The following RHD variants were observed in gnomAD, a reference collection of about 807,000 sequenced individuals.
RHD encodes the protein blood group Rh(D) polypeptide.
In RHD, 16 loss-of-function variants were observed where a neutral mutation model predicts 45.5. The ratio of observed to expected loss-of-function variants is 0.35; its 90% CI spans 0.24 to 0.53. RHD has a LOEUF of 0.53. Ranked by LOEUF, RHD falls within the 20% of genes least tolerant of loss-of-function variation. The probability of loss-of-function intolerance (pLI) is 0.92; values close to 1 mark genes in which losing one functional copy is unlikely to be tolerated. For missense variants in RHD, 306 were observed against 532.0 expected, an observed-to-expected ratio of 0.58 and a Z score of 4.18; for synonymous variants, 131 against 217.5, an observed-to-expected ratio of 0.60 and a Z score of 3.50.
At position 25,272,697 on chromosome 1, in the gene RHD, T is replaced by C; in HGVS notation, c.148+2T>C. Reference sequence around the variant, plus strand: ...AGGGGCTCGTGGCATCCTATCAAGGTGAGAGTTCATTGGAAAAGTGGTCAC... The same window carrying C: ...AGGGGCTCGTGGCATCCTATCAAGGCGAGAGTTCATTGGAAAAGTGGTCAC... On this transcript the variant is annotated splice_donor_variant, in intron 1 of 9. Transcript: ENST00000328664. LOFTEE classifies it high-confidence loss of function. 5.6e-6 allele frequency: 8 copies of C among 1,425,078 alleles called. 1 individual carries two copies. Among genetic ancestry groups the C allele is most frequent in the Non-Finnish European group, 7.9e-6 (8 of 1,016,724 alleles). 88.3% of individuals were successfully genotyped at this position (1,425,078 alleles called of 1,614,324 possible).
chr1:25,290,885 T>C (rs1642443913), intron 3 of RHD, 94 bp downstream of exon 3: 2 of 1,220,240 alleles, frequency 1.6e-6, no homozygotes, highest in African/African-American at 1.5e-5. Context: ...AAAGACAACC[T>C]GTAATCCCAG....
chr1:25,295,945 T>C lies in RHD; in HGVS notation c.487-5001T>C, dbSNP rs1419321690. 1.0e-3 allele frequency among the ~76,000 whole-genome samples: 112 copies of C among 108,934 alleles called. 7 individuals carry two copies. The highest frequency in any genetic ancestry group is 5.1e-3 in the East Asian group (21 of 4,102). 71.5% of individuals were successfully genotyped at this position (108,934 alleles called of 152,430 possible). On this transcript the variant is annotated intron_variant, in intron 3 of 9. Transcript: ENST00000328664. The stretch of plus-strand genomic sequence containing the variant: ...TGTTGCAATCTTGGCTCACTGCAAC[T>C]TCTGCCTTCCAGGTTCAAGTGATTC...
At chr1:25,276,532 T>TAAAAAAAAAAAAAAAAAAAAAAAA (rs557746335) in intron 1 of RHD, among the ~76,000 whole-genome samples, 6 of 64,782 alleles carry the variant, frequency 9.3e-5, no homozygotes, top group African/African-American at 3.6e-4. Flanking sequence ...CCCCCATCTC[T>TAAAAAAAAAAAAAAAAAAAAAAAA]AAAAAAAAAA....
At chr1:25,292,710 CAA>C (rs1232369042) in intron 3 of RHD, among the ~76,000 whole-genome samples, 1 of 126,696 alleles carries the variant, frequency 7.9e-6, no homozygotes, top group East Asian at 2.0e-4. Flanking sequence ...TGGAGATGTA[CAA>C]GTCTGAAGCT....
rs893576531 is a variant in RHD at position 25,279,271 on chromosome 1, C to T, written c.149-5302C>T. ...CACTCACTACGTACCCAATGCTGGGCGAAGTGACTTGCATGAGCCAGCGAG... is the reference window on the plus strand; with the variant it reads ...CACTCACTACGTACCCAATGCTGGGTGAAGTGACTTGCATGAGCCAGCGAG... On this transcript the variant is annotated intron_variant, in intron 1 of 9. Coordinates refer to ENST00000328664, the MANE Select transcript of RHD (RefSeq NM_016124.6). Among the ~76,000 whole-genome samples, 2 of 128,528 alleles carry T rather than the reference C, an allele frequency of 1.6e-5. 1 individual carries two copies. The highest frequency in any genetic ancestry group is 1.5e-4 in the Admixed American group (2 of 13,214). 84.3% of individuals were successfully genotyped at this position (128,528 alleles called of 152,430 possible). A position where few individuals can be genotyped will look rare whatever the true frequency, so the allele number is the denominator to read the frequency against.
chr1:25,293,883 G>C lies in RHD; in HGVS notation c.486+3092G>C, dbSNP rs545932913. Among the ~76,000 whole-genome samples the C allele has an allele frequency of 7.6e-5, 10 of 132,090 alleles. 2 individuals carry two copies. Among genetic ancestry groups the C allele is most frequent in the African/African-American group, 2.6e-4 (10 of 38,544 alleles). The allele number at this position is 132,090 out of a possible 152,430, so 86.7% of individuals were successfully genotyped here. On this transcript the variant is annotated intron_variant, in intron 3 of 9. Coordinates refer to ENST00000328664, the MANE Select transcript of RHD (RefSeq NM_016124.6). Reference sequence around the variant, plus strand: ...GAGATTGAGAAATTAAAAGGCAAAAGCTGATATATCATGTTTAGTTATATT... The same window carrying C: ...GAGATTGAGAAATTAAAAGGCAAAACCTGATATATCATGTTTAGTTATATT...
rs1643586464 is a variant in RHD at position 25,303,800 on chromosome 1, T to C, written c.939+341T>C. On this transcript the variant is annotated intron_variant, in intron 6 of 9. Transcript: ENST00000328664. ...TTCTTTGCTTTTCCTGAATATCTGCTTTATTCTTACTCTATAGACATGCTT... is the reference window on the plus strand; with the variant it reads ...TTCTTTGCTTTTCCTGAATATCTGCCTTATTCTTACTCTATAGACATGCTT... Among the ~76,000 whole-genome samples the C allele has an allele frequency of 1.5e-5, 2 of 130,976 alleles. 1 individual carries two copies. Among genetic ancestry groups the C allele is most frequent in the Non-Finnish European group, 3.6e-5 (2 of 55,470 alleles). The allele number at this position is 130,976 out of a possible 152,430, so 85.9% of individuals were successfully genotyped here.
chr1:25,305,954 T>C lies in RHD; in HGVS notation c.940-642T>C, dbSNP rs560439876. 1.0e-3 allele frequency among the ~76,000 whole-genome samples: 134 copies of C among 131,870 alleles called. 20 individuals carry two copies. The highest frequency in any genetic ancestry group is 2.2e-3 in the African/African-American group (86 of 38,362). 86.5% of individuals were successfully genotyped at this position (131,870 alleles called of 152,430 possible). A position where few individuals can be genotyped will look rare whatever the true frequency, so the allele number is the denominator to read the frequency against. On this transcript the variant is annotated intron_variant, in intron 6 of 9. Coordinates refer to ENST00000328664, the MANE Select transcript of RHD (RefSeq NM_016124.6). ...GATTCTAAGGAAGGAACCAGCCTGA[T>C]TGAATTTGCATATGTGTCCACATCT...
rs71652374 is a variant in RHD at position 25,321,889 on chromosome 1, G to C, written c.1154G>C (p.Gly385Ala). 3,026 of 1,262,328 alleles carry C rather than the reference G, an allele frequency of 2.4e-3. 691 individuals carry two copies. Among genetic ancestry groups the C allele is most frequent in the Non-Finnish European group, 3.3e-3 (2,843 of 874,310 alleles). 78.2% of individuals were successfully genotyped at this position (1,262,328 alleles called of 1,614,324 possible). ...AACATTAAATTATGCATTTAAACAG[G>C]TTTGCTCCTAAATCTTAAAATATGG... ...VIALMSGLLT[G>A]LLLNLKIWKA... Residue 385 changes from glycine to alanine, a missense_variant and splice_region_variant, in exon 9 of 10, where the codon GGT becomes GCT. Coordinates refer to ENST00000328664, the MANE Select transcript of RHD (RefSeq NM_016124.6).
intron 3 of RHD, among the ~76,000 whole-genome samples, 187 bp downstream of exon 3, chr1:25,290,978 C>G (rs1642450754): frequency 7.7e-6 from 1 of 130,280 alleles, no homozygotes; most frequent in Non-Finnish European, 1.8e-5. Context: ...ATCCTCATCT[C>G]TAAAAAGTAA....
In RHD at chr1:25,275,491, G is replaced by A. The variant is rs1172481578; in HGVS notation, c.148+2796G>A. Among the ~76,000 whole-genome samples, 8 of 131,238 alleles carry A rather than the reference G, an allele frequency of 6.1e-5. 2 individuals carry two copies. Among genetic ancestry groups the A allele is most frequent in the Admixed American group, 1.5e-4 (2 of 13,408 alleles). The allele number at this position is 131,238 out of a possible 152,430, so 86.1% of individuals were successfully genotyped here. On this transcript the variant is annotated intron_variant, in intron 1 of 9. Coordinates refer to ENST00000328664, the MANE Select transcript of RHD (RefSeq NM_016124.6). ...GCATGGCTTGAGACACCAGACCAGC[G>A]TGGAGGCTGTAGTGTAGTATTGACC...
chr1:25,311,139 C>T (rs1644124528), intron 7 of RHD, among the ~76,000 whole-genome samples: 1 of 131,908 alleles, frequency 7.6e-6, no homozygotes, highest in East Asian at 2.0e-4. Flanking sequence ...TGGTAAAGGC[C>T]ATTCTGATGA....
Position 25,306,696 on chromosome 1 carries a change from T to C in RHD, c.1040T>C (p.Leu347Pro), listed in dbSNP as rs1275058449. 6 of 1,378,614 alleles carry C rather than the reference T, an allele frequency of 4.4e-6. 1 individual carries two copies. In the African/African-American group the frequency reaches 8.6e-5, roughly 20 times the overall value. 85.4% of individuals were successfully genotyped at this position (1,378,614 alleles called of 1,614,324 possible). A position where few individuals can be genotyped will look rare whatever the true frequency, so the allele number is the denominator to read the frequency against. ...GGAGAGATCATCTACATTGTGCTGCTGGTGCTTGATACCGTCGGAGCCGGC... is the reference window on the plus strand; with the variant it reads ...GGAGAGATCATCTACATTGTGCTGCCGGTGCTTGATACCGTCGGAGCCGGC... Reference protein sequence around the residue: ...LLGEIIYIVLLVLDTVGAGNG... With the variant: ...LLGEIIYIVLPVLDTVGAGNG... The change falls in exon 7 of 10, where the codon CTG becomes CCG. Residue 347 changes from leucine (L) to proline (P), a missense_variant. Physicochemically the swap from Leu to Pro is moderately conservative, Grantham distance 98. Transcript: ENST00000328664.
At position 25,281,059 on chromosome 1, in the gene RHD, A is replaced by G. The variant is rs1296667614; in HGVS notation, c.149-3514A>G. 3.0e-5 allele frequency among the ~76,000 whole-genome samples: 4 copies of G among 132,406 alleles called. 1 individual carries two copies. Among genetic ancestry groups the G allele is most frequent in the African/African-American group, 5.2e-5 (2 of 38,412 alleles). The allele number at this position is 132,406 out of a possible 152,430, so 86.9% of individuals were successfully genotyped here. ...ATCAAGTCCAACTCCTATGTGTTACAGACAGGGAAACTGAGGCCTAAAGAG... is the reference window on the plus strand; with the variant it reads ...ATCAAGTCCAACTCCTATGTGTTACGGACAGGGAAACTGAGGCCTAAAGAG... On this transcript the variant is annotated intron_variant, in intron 1 of 9. Coordinates refer to ENST00000328664, the MANE Select transcript of RHD (RefSeq NM_016124.6).
Position 25,308,280 on chromosome 1 carries a change from T to C in RHD, c.1073+1551T>C, listed in dbSNP as rs1313018170. Reference sequence around the variant, plus strand: ...GTGATTCTGTGGTTCTCTGGAAGCATTGGTTCTCCACAGCACCTGCATCAC... The same window carrying C: ...GTGATTCTGTGGTTCTCTGGAAGCACTGGTTCTCCACAGCACCTGCATCAC... On this transcript the variant is annotated intron_variant, in intron 7 of 9. Transcript: ENST00000328664. Among the ~76,000 whole-genome samples, 25 of 114,064 alleles carry C rather than the reference T, an allele frequency of 2.2e-4. 3 individuals are homozygous for C. The highest frequency in any genetic ancestry group is 6.3e-4 in the African/African-American group (21 of 33,144). 74.8% of individuals were successfully genotyped at this position (114,064 alleles called of 152,430 possible).
At chr1:25,280,679 G>A (rs1379239477) in intron 1 of RHD, among the ~76,000 whole-genome samples, 1 of 113,014 alleles carries the variant, frequency 8.8e-6, no homozygotes, top group African/African-American at 3.1e-5. Context: ...TGGTGTGACC[G>A]CAGCTCACTG....
At chr1:25,323,503 C>T (rs1644824670) in intron 9 of RHD, among the ~76,000 whole-genome samples, 1 of 126,188 alleles carries the variant, frequency 7.9e-6, no homozygotes. Context: ...CCGCCACCCA[C>T]ACCGTAATGC....
In RHD at chr1:25,276,876, C is replaced by G. The variant is rs1264641836; in HGVS notation, c.148+4181C>G. Among the ~76,000 whole-genome samples the G allele has an allele frequency of 1.5e-5, 2 of 131,626 alleles. 1 individual carries two copies. Among genetic ancestry groups the G allele is most frequent in the Non-Finnish European group, 3.6e-5 (2 of 55,686 alleles). 86.4% of individuals were successfully genotyped at this position (131,626 alleles called of 152,430 possible). A position where few individuals can be genotyped will look rare whatever the true frequency, so the allele number is the denominator to read the frequency against. Reference sequence around the variant, plus strand: ...GGTCTGGAGATGGAGACCATCCTGGCTAACACGATGAAACCCCATCTCTAC... The same window carrying G: ...GGTCTGGAGATGGAGACCATCCTGGGTAACACGATGAAACCCCATCTCTAC... On this transcript the variant is annotated intron_variant, in intron 1 of 9. Coordinates refer to ENST00000328664, the MANE Select transcript of RHD (RefSeq NM_016124.6).
At chr1:25,304,426 C>T (rs1426383319) in intron 6 of RHD, 1 of 129,090 alleles carries the variant, frequency 7.7e-6, no homozygotes, top group East Asian at 2.0e-4. Context: ...TGGTGAAACC[C>T]ATCTCTACTA....
Sources: allele counts gnomAD v4.1 joint callset (sites outside exome capture counted in the v4.1 genomes callset), GRCh38; gene constraint gnomAD v4.1.1; transcripts MANE v1.5; gene names NCBI Gene and HGNC (gene_info 2026-07-23, HGNC 2026-07-21).